The following PXN variants were observed in gnomAD, a reference collection of about 807,000 sequenced individuals.
PXN encodes the protein testicular tissue protein Li 134.
PXN carries 61 observed loss-of-function variants against 103.6 expected under a neutral mutation model. That is an observed-to-expected ratio of 0.59 (90% CI 0.48 to 0.73). The LOEUF (loss-of-function observed/expected upper bound fraction) is 0.73. PXN is among the 30% of genes least tolerant of loss of function. The pLI is 0.00. For synonymous variants in PXN, 562 were observed against 607.8 expected, an observed-to-expected ratio of 0.92 and a Z score of 1.11; for missense variants, 1,274 against 1,460.3, an observed-to-expected ratio of 0.87 and a Z score of 2.08.
Position 120,216,795 on chromosome 12 carries a change from G to C in PXN, c.1992+46C>G, listed in dbSNP as rs1883208010. 12 of 1,575,868 alleles carry C rather than the reference G, an allele frequency of 7.6e-6. No homozygotes were observed. The highest frequency in any genetic ancestry group is 1.0e-5 in the Non-Finnish European group (12 of 1,173,038). On this transcript the variant is annotated intron_variant, in intron 8 of 14. Coordinates refer to ENST00000637617, the MANE Select transcript of PXN (RefSeq NM_001385981.1). The surrounding 1 kb of genome is among the most constrained non-coding windows in gnomAD (Gnocchi z 5.1). ...GGCCAGGGAAGAACCCGGACCCCAGGTGCTTGGCTCTGGCCCAGCCCCAGC... is the reference window on the plus strand; with the variant it reads ...GGCCAGGGAAGAACCCGGACCCCAGCTGCTTGGCTCTGGCCCAGCCCCAGC...
Position 120,255,073 on chromosome 12 carries a change from C to A in PXN, c.13+10544G>T, listed in dbSNP as rs764234343. 1.8e-4 allele frequency among the ~76,000 whole-genome samples: 28 copies of A among 152,020 alleles called. 1 individual carries two copies. The highest frequency in any genetic ancestry group is 3.8e-4 in the Non-Finnish European group (26 of 68,008). On this transcript the variant is annotated intron_variant, in intron 1 of 14. Coordinates refer to ENST00000637617, the MANE Select transcript of PXN (RefSeq NM_001385981.1). ...AGTTGAGTCTCTGCTGGTGCGCAGA[C>A]CGGAAGAATCTGGACAATAGAATTC...
chr12:120,238,839 CCTT>C, intron 1 of PXN, among the ~76,000 whole-genome samples: 1 of 152,330 alleles, frequency 6.6e-6, no homozygotes, highest in South Asian at 2.1e-4. Flanking sequence ...CATCATTCCT[CCTT>C]CAGGCAGTAC....
chr12:120,232,183 G>A (rs762257611), intron 1 of PXN, among the ~76,000 whole-genome samples: 8 of 152,140 alleles, frequency 5.3e-5, no homozygotes, highest in Non-Finnish European at 1.0e-4. Flanking sequence ...CACCACACTA[G>A]GCTTTTAAAA....
chr12:120,242,716 T>C (rs770641502), intron 1 of PXN, among the ~76,000 whole-genome samples: 13 of 151,958 alleles, frequency 8.6e-5, no homozygotes, highest in African/African-American at 3.1e-4. Context: ...AGAAACCCTG[T>C]CTCTACTAAA....
In PXN at chr12:120,215,941, C is replaced by T; in HGVS notation, c.2302-280G>A. On this transcript the variant is annotated intron_variant, in intron 9 of 14. Transcript: ENST00000637617. This position sits in a 1 kb window ranked among gnomAD's most constrained non-coding sequence, Gnocchi z 4.9. ...TGATGAGGCCTCACCGGGCGCTGGG[C>T]CTGGGGGCTGGAAGGGAGGAGACAG... 7.2e-7 allele frequency: 1 copy of T among 1,382,534 alleles called. No homozygotes were observed. Among genetic ancestry groups the T allele is most frequent in the South Asian group, 1.8e-5 (1 of 55,040 alleles). The allele number at this position is 1,382,534 out of a possible 1,614,324, so 85.6% of individuals were successfully genotyped here. A position where few individuals can be genotyped will look rare whatever the true frequency, so the allele number is the denominator to read the frequency against.
At chr12:120,223,659 C>A in intron 3 of PXN, 59 bp downstream of exon 3, 2 of 1,365,308 alleles carry the variant, frequency 1.5e-6, no homozygotes, top group Admixed American at 4.1e-5. Flanking sequence ...CCCACCCTGG[C>A]CAGGTCCCTG....
intron 1 of PXN, among the ~76,000 whole-genome samples, chr12:120,263,831 A>C (rs920328709): frequency 3.9e-5 from 6 of 152,124 alleles, no homozygotes; most frequent in Admixed American, 3.3e-4. Flanking sequence ...GGAATTCCAG[A>C]TTTCGATGGC....
At position 120,215,315 on chromosome 12, in the gene PXN, G is replaced by C; in HGVS notation, c.2404-42C>G. On this transcript the variant is annotated intron_variant, in intron 10 of 14. Transcript: ENST00000637617. The surrounding 1 kb of genome is among the most constrained non-coding windows in gnomAD (Gnocchi z 4.9). Reference sequence around the variant, plus strand: ...GGCTGGTCAGGACTCCTGAGGCTCGGGGTACGGTGTCTGGCAGCACAGGGA... The same window carrying C: ...GGCTGGTCAGGACTCCTGAGGCTCGCGGTACGGTGTCTGGCAGCACAGGGA... The C allele has an allele frequency of 1.3e-6, 2 of 1,553,226 alleles. No individual in the cohort carries two copies. Among genetic ancestry groups the C allele is most frequent in the East Asian group, 4.8e-5 (2 of 41,876 alleles).
chr12:120,257,916 G>A (rs1306777033), intron 1 of PXN, among the ~76,000 whole-genome samples: 2 of 152,188 alleles, frequency 1.3e-5, no homozygotes, highest in Non-Finnish European at 2.9e-5. Flanking sequence ...GCTGTGGCTG[G>A]GCACCGTGGC....
chr12:120,220,464 AC>A lies in PXN; in HGVS notation c.832-374del, dbSNP rs1884779815. 1.3e-5 allele frequency among the ~76,000 whole-genome samples: 2 copies of A among 152,174 alleles called. No homozygotes were observed. The highest frequency in any genetic ancestry group is 4.1e-4 in the South Asian group (2 of 4,834). On this transcript the variant is annotated intron_variant, in intron 6 of 14. Coordinates refer to ENST00000637617, the MANE Select transcript of PXN (RefSeq NM_001385981.1). This position sits in a 1 kb window ranked among gnomAD's most constrained non-coding sequence, Gnocchi z 6.1. ...AGGGGCTGCTGAACCCGCCTCGGAC[AC>A]TGGCCCAACTCGGCCATGTCCCTCC...
chr12:120,219,868 G>A lies in PXN; in HGVS notation c.1055C>T (p.Ala352Val). Residue 352 changes from alanine to valine, a missense_variant, in exon 7 of 15, where the codon GCT (alanine) becomes GTT (valine). This residue lies in a region of PXN where 1,178 missense variants were observed against 1,309.0 expected (regional missense o/e 0.90). Transcript: ENST00000637617. This position sits in a 1 kb window ranked among gnomAD's most constrained non-coding sequence, Gnocchi z 6.5. ...PPVAPSWLDL[A>V]GLGVMPDTFN... ...GGTGTCAGGCATCACCCCAAGACCA[G>A]CCAAATCAAGCCAGCTGGGGGCTAC... The A allele has an allele frequency of 6.3e-7, 1 of 1,598,420 alleles. No homozygotes were observed. Among genetic ancestry groups the A allele is most frequent in the Non-Finnish European group, 8.5e-7 (1 of 1,179,794 alleles).
At chr12:120,237,567 C>T (rs988680394) in intron 1 of PXN, among the ~76,000 whole-genome samples, 1 of 152,112 alleles carries the variant, frequency 6.6e-6, no homozygotes, top group Non-Finnish European at 1.5e-5. Context: ...TGGCAGCGCA[C>T]CATTTGAAAC....
rs1272626368 is a variant in PXN, at chr12:120,211,210, G to A, written c.*1104C>T. 4 of 152,450 alleles carry A rather than the reference G, an allele frequency of 2.6e-5. No homozygotes were observed. The highest frequency in any genetic ancestry group is 6.5e-5 in the Admixed American group (1 of 15,284). The allele number at this position is 152,450 out of a possible 1,614,324, so 9.4% of individuals were successfully genotyped here. The stretch of plus-strand genomic sequence containing the variant: ...CTTCTCCTCCCACAGAAACAGAACA[G>A]ATAAAGTTCAGAATTCTAGGCCCAA... On this transcript the variant is annotated 3_prime_UTR_variant, in exon 15 of 15. Coordinates refer to ENST00000637617, the MANE Select transcript of PXN (RefSeq NM_001385981.1).
At chr12:120,256,567 G>A (rs890335697) in intron 1 of PXN, among the ~76,000 whole-genome samples, 3 of 151,966 alleles carry the variant, frequency 2.0e-5, no homozygotes, top group Non-Finnish European at 4.4e-5. Context: ...AGAAAGATGG[G>A]GACGTGGGGG....
At position 120,219,260 on chromosome 12, in the gene PXN, C is replaced by G. The variant is rs762196832; in HGVS notation, c.1663G>C (p.Ala555Pro). 8 of 1,598,100 alleles carry G rather than the reference C, an allele frequency of 5.0e-6. No individual in the cohort carries two copies. The highest frequency in any genetic ancestry group is 6.8e-6 in the Non-Finnish European group (8 of 1,179,580). ...DGKEQPELPC[A>P]MAMGTPSTTE... ...GTGCTGGGTGTGCCCATGGCCATGG[C>G]ACATGGAAGCTCTGGCTGTTCCTTC... The change falls in exon 7 of 15, where the codon GCC becomes CCC. Residue 555 changes from alanine to proline, a missense_variant. By Grantham distance (27) the Ala-to-Pro change is conservative. This residue lies in a region of PXN where 1,178 missense variants were observed against 1,309.0 expected (regional missense o/e 0.90). Transcript: ENST00000637617. The surrounding 1 kb of genome is among the most constrained non-coding windows in gnomAD (Gnocchi z 6.5).
chr12:120,256,788 G>C (rs2136680034), intron 1 of PXN, among the ~76,000 whole-genome samples: 1 of 152,226 alleles, frequency 6.6e-6, no homozygotes, highest in Admixed American at 6.5e-5. Context: ...CCTGATCTTG[G>C]CTCACCGCAA....
In PXN at chr12:120,224,947, G is replaced by C. The variant is rs539760526; in HGVS notation, c.14-570C>G. 1.2e-4 allele frequency: 42 copies of C among 349,698 alleles called. No individual in the cohort carries two copies. In the Middle Eastern group the frequency reaches 3.2e-3, roughly 26 times the overall value. The allele number at this position is 349,698 out of a possible 1,614,324, so 21.7% of individuals were successfully genotyped here. On this transcript the variant is annotated intron_variant, in intron 1 of 14. Transcript: ENST00000637617. The surrounding 1 kb of genome is among the most constrained non-coding windows in gnomAD (Gnocchi z 5.0). ...TCTAGGCTTATGGGGTAAGGTGTGC[G>C]GGGAGGTGGGGGCTGGAGTGAGGCT...
chr12:120,262,249 C>T lies in PXN; in HGVS notation c.13+3368G>A, dbSNP rs75368470. Among the ~76,000 whole-genome samples the T allele has an allele frequency of 5.3e-5, 8 of 152,298 alleles. No homozygotes were observed. In the East Asian group the frequency reaches 1.5e-3, roughly 29 times the overall value. On this transcript the variant is annotated intron_variant, in intron 1 of 14. Coordinates refer to ENST00000637617, the MANE Select transcript of PXN (RefSeq NM_001385981.1). Reference sequence around the variant, plus strand: ...GCTGAAAGAAGACATGTCCAGATTCCAGCAGCAACTGGGCACTGCCAACAG... The same window carrying T: ...GCTGAAAGAAGACATGTCCAGATTCTAGCAGCAACTGGGCACTGCCAACAG...
chr12:120,226,599 T>C (rs1351834376), intron 1 of PXN: 1 of 1,191,868 alleles, frequency 8.4e-7, no homozygotes, highest in Admixed American at 3.5e-5. Flanking sequence ...GGGCTTTTGG[T>C]TTATGGATTG....
Sources: allele counts gnomAD v4.1 joint callset (sites outside exome capture counted in the v4.1 genomes callset), GRCh38; gene constraint gnomAD v4.1.1; regional missense constraint gnomAD v4.1.1; non-coding constraint Gnocchi (gnomAD v3.1); transcripts MANE v1.5; gene names NCBI Gene and HGNC (gene_info 2026-07-23, HGNC 2026-07-21).